Variants in ACACB observed in about 807,000 individuals in gnomAD.
ACACB encodes the protein acetyl-CoA carboxylase beta, also known as acetyl-CoA carboxylase 2.
ACACB carries 209 observed loss-of-function variants against 278.8 expected under a neutral mutation model. The observed-to-expected ratio is 0.75, with a 90% confidence interval of 0.67 to 0.84. The LOEUF (loss-of-function observed/expected upper bound fraction) is 0.84. Ranked by LOEUF, ACACB falls within the 40% of genes least tolerant of loss-of-function variation. ACACB has a pLI of 0.00. For missense variants in ACACB, 2,850 were observed against 3,269.0 expected, an observed-to-expected ratio of 0.87 and a Z score of 3.13; for synonymous variants, 1,174 against 1,285.6, an observed-to-expected ratio of 0.91 and a Z score of 1.86.
At chr12:109,168,157 A>G in intron 4 of ACACB, 123 bp downstream of exon 4, 2 of 1,064,728 alleles carry the variant, frequency 1.9e-6, no homozygotes, top group Non-Finnish European at 2.6e-6. Context: ...ATGAGTCTGT[A>G]TTTATTTGTC....
intron 52 of ACACB, 69 bp downstream of exon 52, chr12:109,265,594 C>T: frequency 6.4e-7 from 1 of 1,564,868 alleles, no homozygotes; most frequent in South Asian, 1.2e-5. Context: ...CCCCTAGCTA[C>T]CCGACTCCTA....
Position 109,239,902 on chromosome 12 carries a change from GC to G in ACACB, c.4736del (p.Ala1579GlyfsTer89). On this transcript the variant is annotated frameshift_variant, in exon 35 of 53. Transcript: ENST00000338432. LOFTEE classifies it high-confidence loss of function. ...LLEAMDELEV[A>X]FNNTSVRTDC... Reference sequence around the variant, plus strand: ...GGAGGCCATGGACGAGCTGGAGGTGGCGTTCAATAACACCAGCGTGCGCACC... The same window carrying G: ...GGAGGCCATGGACGAGCTGGAGGTGGGTTCAATAACACCAGCGTGCGCACC... 6.2e-7 allele frequency: 1 copy of G among 1,614,180 alleles called. No individual in the cohort carries two copies. Among genetic ancestry groups the G allele is most frequent in the East Asian group, 2.2e-5 (1 of 44,880 alleles).
At chr12:109,210,158 T>TAC (rs2045704375) in intron 21 of ACACB, among the ~76,000 whole-genome samples, 1 of 61,612 alleles carries the variant, frequency 1.6e-5, no homozygotes, top group African/African-American at 6.4e-5. Flanking sequence ...TATACACACG[T>TAC]GTGTATATGT....
chr12:109,256,951 A>G (rs1471149836), intron 45 of ACACB, among the ~76,000 whole-genome samples: 1 of 152,226 alleles, frequency 6.6e-6, no homozygotes, highest in Non-Finnish European at 1.5e-5. Context: ...AATGGCTGCT[A>G]TCATTTACAT....
intron 7 of ACACB, among the ~76,000 whole-genome samples, chr12:109,175,167 T>C (rs570908327): frequency 1.3e-5 from 2 of 152,318 alleles, no homozygotes; most frequent in South Asian, 4.1e-4. Flanking sequence ...CAGTGGAGTT[T>C]CTAGGACAAA....
At chr12:109,126,272 G>A (rs1484127891) in intron 1 of ACACB, among the ~76,000 whole-genome samples, 4 of 152,150 alleles carry the variant, frequency 2.6e-5, no homozygotes, top group South Asian at 2.1e-4. Context: ...TTTAGACTGC[G>A]GAACATGTTT....
chr12:109,255,172 A>T (rs761124281), intron 44 of ACACB, among the ~76,000 whole-genome samples: 2 of 152,120 alleles, frequency 1.3e-5, no homozygotes, highest in African/African-American at 4.8e-5. Flanking sequence ...GCACACACAC[A>T]TTCTCTCTCT....
chr12:109,210,287 CTG>C (rs1159415486), intron 21 of ACACB, among the ~76,000 whole-genome samples: 672 of 16,880 alleles, frequency 0.04, 139 homozygotes, highest in African/African-American at 0.078. Flanking sequence ...ACACACATAT[CTG>C]TGTGTATATG....
At chr12:109,171,013 A>ATTTTTTTTTTTTTTTTT (rs59371391) in intron 4 of ACACB, among the ~76,000 whole-genome samples, 1 of 106,526 alleles carries the variant, frequency 9.4e-6, no homozygotes, top group Non-Finnish European at 1.8e-5. Flanking sequence ...CTTTTTTTGG[A>ATTTTTTTTTTTTTTTTT]TTTTTTTTTT....
chr12:109,240,526 A>G (rs1269857724), intron 35 of ACACB, among the ~76,000 whole-genome samples: 1 of 149,730 alleles, frequency 6.7e-6, no homozygotes, highest in East Asian at 1.9e-4. Context: ...ATAAAATATT[A>G]AGATTATTAA....
chr12:109,224,601 G>T (rs960612076), intron 27 of ACACB, among the ~76,000 whole-genome samples: 1 of 151,490 alleles, frequency 6.6e-6, no homozygotes, highest in African/African-American at 2.4e-5. Context: ...GCACTATCTC[G>T]GCTCACTGCA....
chr12:109,251,994 G>T, intron 41 of ACACB, 52 bp from the exon 42 acceptor site: 1 of 1,391,944 alleles, frequency 7.2e-7, no homozygotes, highest in African/African-American at 1.4e-5. Context: ...CTGCTGTGGG[G>T]GGTGGGTCCC....
intron 11 of ACACB, among the ~76,000 whole-genome samples, chr12:109,184,095 C>T (rs1487816995): frequency 2.0e-5 from 3 of 151,832 alleles, no homozygotes; most frequent in Non-Finnish European, 2.9e-5. Flanking sequence ...CCCTTTCACC[C>T]AGGCTGGAGT....
intron 28 of ACACB, 114 bp from the exon 29 acceptor site, chr12:109,232,555 A>T (rs1027009249): frequency 6.7e-6 from 9 of 1,350,524 alleles, no homozygotes; most frequent in Middle Eastern, 1.9e-4. Flanking sequence ...TTAAGCCCCC[A>T]TTTGGAAGAG....
In ACACB at chr12:109,191,835, A is replaced by G. The variant is rs779621606; in HGVS notation, c.2296-12A>G. 10 of 1,614,032 alleles carry G rather than the reference A, an allele frequency of 6.2e-6. No individual in the cohort carries two copies. The highest frequency in any genetic ancestry group is 1.6e-4 in the Middle Eastern group (1 of 6,062). Reference sequence around the variant, plus strand: ...CGGCTTCCTGAGGATACTGAAGTGCATTTTCTCCTAGGCGGAGAAACCGGA... The same window carrying G: ...CGGCTTCCTGAGGATACTGAAGTGCGTTTTCTCCTAGGCGGAGAAACCGGA... On this transcript the variant is annotated splice_polypyrimidine_tract_variant and intron_variant, in intron 14 of 52. Transcript: ENST00000338432.
rs2046947475 is a variant in ACACB at position 109,246,420 on chromosome 12, C to G, written c.5543C>G (p.Ala1848Gly). 2 of 1,613,004 alleles carry G rather than the reference C, an allele frequency of 1.2e-6. No individual in the cohort carries two copies. Among genetic ancestry groups the G allele is most frequent in the South Asian group, 1.1e-5 (1 of 91,038 alleles). ...AEEIKHMFHV[A>G]WVDPEDPHKG... ...GAGATCAAACACATGTTCCACGTGG[C>G]TTGGGTGGACCCAGAAGACCCCCAC... is the stretch of plus-strand genomic sequence containing the variant. Residue 1848 changes from alanine (A) to glycine (G), a missense_variant, in exon 39 of 53, where the codon GCT (alanine) becomes GGT (glycine). Coordinates refer to ENST00000338432, the MANE Select transcript of ACACB (RefSeq NM_001093.4).
chr12:109,259,812 C>T (rs2047331543), intron 47 of ACACB, among the ~76,000 whole-genome samples: 1 of 152,134 alleles, frequency 6.6e-6, no homozygotes, highest in African/African-American at 2.4e-5. Context: ...TTTAAGCCAC[C>T]AAGCATGTTT....
At chr12:109,248,729 C>T (rs2047016330) in intron 40 of ACACB, among the ~76,000 whole-genome samples, 1 of 152,202 alleles carries the variant, frequency 6.6e-6, no homozygotes, top group Admixed American at 6.5e-5. Flanking sequence ...AGTCCACTGA[C>T]TCAAATGTTA....
intron 19 of ACACB, 135 bp from the exon 20 acceptor site, chr12:109,206,575 C>G: frequency 9.1e-7 from 1 of 1,104,906 alleles, no homozygotes; most frequent in East Asian, 2.4e-5. Context: ...AGTTCATTGT[C>G]TTTGATTTTT....
Sources: allele counts gnomAD v4.1 joint callset (sites outside exome capture counted in the v4.1 genomes callset), GRCh38; gene constraint gnomAD v4.1.1; transcripts MANE v1.5; gene names NCBI Gene and HGNC (gene_info 2026-07-23, HGNC 2026-07-21).